The following KCNN2 variants were observed in gnomAD, a reference collection of about 807,000 sequenced individuals.
KCNN2 encodes the protein potassium calcium-activated channel subfamily N member 2, also known as small conductance calcium-activated potassium channel protein 2.
KCNN2 carries 24 observed loss-of-function variants against 55.5 expected under a neutral mutation model. The observed-to-expected ratio is 0.43, with a 90% CI of 0.31 to 0.61. The LOEUF is 0.61. KCNN2 is among the 20% of genes least tolerant of loss of function. KCNN2 has a pLI of 0.08. For synonymous variants in KCNN2, 431 were observed against 336.1 expected (o/e 1.28, Z -3.09); for missense variants, 754 against 853.6 (o/e 0.88, Z 1.45).
At chr5:114,096,590 C>T (rs1373181115) in intron 1 of KCNN2, among the ~76,000 whole-genome samples, 1 of 152,104 alleles carries the variant, frequency 6.6e-6, no homozygotes, top group Non-Finnish European at 1.5e-5. Context: ...GAAGTTCTTA[C>T]TCACCTCCCA....
intron 2 of KCNN2, among the ~76,000 whole-genome samples, chr5:114,320,023 G>A (rs1264111632): frequency 2.0e-5 from 3 of 152,112 alleles, no homozygotes; most frequent in Non-Finnish European, 2.9e-5. Context: ...TGGACAAAAT[G>A]TTTACCCATT....
chr5:114,086,892 C>T (rs1289222966), intron 1 of KCNN2, among the ~76,000 whole-genome samples: 3 of 152,148 alleles, frequency 2.0e-5, no homozygotes, highest in Admixed American at 2.0e-4. Flanking sequence ...AATTTACATT[C>T]CCACAAACAG....
chr5:114,073,846 C>A (rs1441707826), intron 1 of KCNN2, among the ~76,000 whole-genome samples: 1 of 152,166 alleles, frequency 6.6e-6, no homozygotes, highest in Non-Finnish European at 1.5e-5. Flanking sequence ...TGAATATCTA[C>A]CTCAAGTAAT....
intron 1 of KCNN2, among the ~76,000 whole-genome samples, chr5:114,218,331 G>C (rs1754051714): frequency 6.6e-6 from 1 of 152,208 alleles, no homozygotes; most frequent in Admixed American, 6.5e-5. Context: ...AAACTTGGAA[G>C]CAACAAAGAT....
chr5:114,439,503 A>T (rs1399103086), intron 3 of KCNN2, among the ~76,000 whole-genome samples: 2 of 152,044 alleles, frequency 1.3e-5, no homozygotes. Flanking sequence ...CTCAGTCTTG[A>T]CACCTAGGAG....
chr5:114,334,980 G>C (rs1349046049), intron 2 of KCNN2, among the ~76,000 whole-genome samples: 2 of 152,052 alleles, frequency 1.3e-5, no homozygotes, highest in Admixed American at 6.5e-5. Context: ...CTGGAGTGCA[G>C]TGTCGCGATC....
At chr5:114,369,863 G>C (rs1466043469) in intron 2 of KCNN2, among the ~76,000 whole-genome samples, 1 of 152,064 alleles carries the variant, frequency 6.6e-6, no homozygotes, top group African/African-American at 2.4e-5. Context: ...TATCCAACCT[G>C]TTTCTGGGCC....
intron 1 of KCNN2, among the ~76,000 whole-genome samples, chr5:114,219,081 C>T (rs1230183498): frequency 6.6e-6 from 1 of 152,244 alleles, no homozygotes; most frequent in Non-Finnish European, 1.5e-5. Flanking sequence ...GTATGGGATT[C>T]AGCCAGCTGC....
intron 1 of KCNN2, among the ~76,000 whole-genome samples, chr5:114,077,103 G>A (rs182135926): frequency 2.4e-3 from 362 of 152,332 alleles, no homozygotes; most frequent in Non-Finnish European, 3.8e-3. Context: ...TTTTACATTT[G>A]TATCCCTCTA....
chr5:114,237,682 TCTCAGGTCC>T (rs1224580108), intron 2 of KCNN2, among the ~76,000 whole-genome samples: 2 of 152,218 alleles, frequency 1.3e-5, no homozygotes, highest in Non-Finnish European at 2.9e-5. Context: ...ACAGGCAATT[TCTCAGGTCC>T]CTTACTGCCC....
Position 114,168,442 on chromosome 5 carries a change from A to C in KCNN2, c.-270-53038A>C, listed in dbSNP as rs985305390. 2.0e-5 allele frequency among the ~76,000 whole-genome samples: 3 copies of C among 152,114 alleles called. No individual in the cohort carries two copies. In the South Asian group the frequency reaches 6.2e-4, roughly 31 times the overall value. On this transcript the variant is annotated intron_variant, in intron 1 of 10. Transcript: ENST00000512097. The stretch of plus-strand genomic sequence containing the variant: ...AAGCATTTCTTCCAATGACTAAGCC[A>C]ACTTTGTCCTTGACAAATCATAAGC...
chr5:114,245,922 A>G (rs1754740972), intron 2 of KCNN2, among the ~76,000 whole-genome samples: 1 of 152,146 alleles, frequency 6.6e-6, no homozygotes, highest in East Asian at 1.9e-4. Flanking sequence ...CATATCTACT[A>G]AAACTCACAG....
intron 2 of KCNN2, among the ~76,000 whole-genome samples, chr5:114,378,130 G>A (rs1757997270): frequency 6.6e-6 from 1 of 152,180 alleles, no homozygotes; most frequent in African/African-American, 2.4e-5. Flanking sequence ...TGCAGCCCAT[G>A]GGCCAAGTCC....
intron 1 of KCNN2, among the ~76,000 whole-genome samples, chr5:114,168,017 T>C (rs1752951244): frequency 6.6e-6 from 1 of 152,094 alleles, no homozygotes; most frequent in South Asian, 2.1e-4. Flanking sequence ...TTATTGCGAG[T>C]AGCATGTGAG....
chr5:114,298,762 A>G (rs780189262), intron 2 of KCNN2, among the ~76,000 whole-genome samples: 2 of 152,150 alleles, frequency 1.3e-5, no homozygotes, highest in Non-Finnish European at 2.9e-5. Flanking sequence ...CAAATTCACT[A>G]TTTTATAAAC....
At chr5:114,396,717 T>G (rs549916976) in intron 2 of KCNN2, among the ~76,000 whole-genome samples, 7 of 152,044 alleles carry the variant, frequency 4.6e-5, no homozygotes, top group African/African-American at 1.7e-4. Context: ...CCTGGCTAAT[T>G]TTTGTATTTT....
At chr5:114,246,628 G>T (rs1754753221) in intron 2 of KCNN2, among the ~76,000 whole-genome samples, 1 of 152,004 alleles carries the variant, frequency 6.6e-6, no homozygotes, top group South Asian at 2.1e-4. Context: ...TTTATTTAAG[G>T]CCAACTAAAC....
intron 1 of KCNN2, among the ~76,000 whole-genome samples, chr5:114,076,862 T>G (rs1484600103): frequency 6.6e-6 from 1 of 151,800 alleles, no homozygotes; most frequent in Non-Finnish European, 1.5e-5. Context: ...CCCGGCTAAT[T>G]TTTTGTATTT....
chr5:114,495,185 T>G (rs899141501), intron 7 of KCNN2, among the ~76,000 whole-genome samples: 1 of 152,140 alleles, frequency 6.6e-6, no homozygotes, highest in Non-Finnish European at 1.5e-5. Flanking sequence ...ACCACTTAGC[T>G]TTGATTAAGC....
Sources: gnomAD v4.1 joint callset for allele counts (sites outside exome capture counted in the v4.1 genomes callset) on GRCh38, gnomAD v4.1.1 for gene constraint, MANE v1.5 for transcripts, NCBI Gene and HGNC (gene_info 2026-07-23, HGNC 2026-07-21) for gene names.